Variants in GALNT1 observed in about 807,000 individuals in gnomAD.
GALNT1 encodes the protein GalNAc transferase 1.
Under a neutral mutation model 65.7 loss-of-function variants are expected in GALNT1, and 17 were observed. That is an observed-to-expected ratio of 0.26 (90% CI 0.18 to 0.39). The LOEUF is 0.39. Among genes scored for constraint, GALNT1 ranks in the 10% least tolerant of loss-of-function variants. The probability of loss-of-function intolerance (pLI) is 1.00; values close to 1 mark genes in which losing one functional copy is unlikely to be tolerated. For missense variants in GALNT1, 460 were observed against 672.8 expected, an observed-to-expected ratio of 0.68 and a Z score of 3.50; for synonymous variants, 210 against 219.7, an observed-to-expected ratio of 0.96 and a Z score of 0.39.
At chr18:35,652,051 A>C (rs1032606181) in intron 1 of GALNT1, among the ~76,000 whole-genome samples, 3 of 151,898 alleles carry the variant, frequency 2.0e-5, no homozygotes, top group African/African-American at 7.3e-5. Flanking sequence ...AACATAAACA[A>C]CAAAGTAAAA....
At chr18:35,682,314 G>A (rs1051015020) in intron 4 of GALNT1, among the ~76,000 whole-genome samples, 1 of 152,078 alleles carries the variant, frequency 6.6e-6, no homozygotes, top group African/African-American at 2.4e-5. Context: ...AAATAGGCAA[G>A]AATTGTTTTA....
chr18:35,687,021 C>T lies in GALNT1; in HGVS notation c.695C>T (p.Thr232Ile). 1.2e-6 allele frequency: 2 copies of T among 1,608,964 alleles called. No individual in the cohort carries two copies. Among genetic ancestry groups the T allele is most frequent in the East Asian group, 2.2e-5 (1 of 44,676 alleles). The change falls in exon 6 of 12, where the codon ACA becomes ATA. Residue 232 changes from threonine to isoleucine, a missense_variant. Physicochemically the swap from Thr to Ile is moderately conservative, Grantham distance 89. Transcript: ENST00000269195. Reference sequence around the variant, plus strand: ...ACTTGCTTTTATGACATCAGGAGAACAGTGGTGTGTCCCATCATCGATGTG... The same window carrying T: ...ACTTGCTTTTATGACATCAGGAGAATAGTGGTGTGTCCCATCATCGATGTG... ...LLARIKHDRRTVVCPIIDVIS... is the reference protein window; with the variant it reads ...LLARIKHDRRIVVCPIIDVIS...
intron 3 of GALNT1, among the ~76,000 whole-genome samples, chr18:35,674,668 A>G (rs566790646): frequency 6.6e-5 from 10 of 152,142 alleles, no homozygotes; most frequent in Non-Finnish European, 1.0e-4. Flanking sequence ...TTGCTGTTAA[A>G]CCTGTATGTA....
intron 8 of GALNT1, among the ~76,000 whole-genome samples, chr18:35,691,528 A>G (rs1044599557): frequency 6.6e-6 from 1 of 151,980 alleles, no homozygotes; most frequent in African/African-American, 2.4e-5. Flanking sequence ...TCTAGCTTAT[A>G]TGACTTTTTC....
At chr18:35,598,554 G>A (rs969277970) in intron 1 of GALNT1, among the ~76,000 whole-genome samples, 1 of 152,148 alleles carries the variant, frequency 6.6e-6, no homozygotes, top group Admixed American at 6.5e-5. Context: ...TGTTGAAAAT[G>A]ATAGGATTTC....
rs2047878505 is a variant in GALNT1 at position 35,686,996 on chromosome 18, ACTTG to A, written c.690-16_690-13del. On this transcript the variant is annotated splice_polypyrimidine_tract_variant and intron_variant, in intron 5 of 11. Transcript: ENST00000269195. ...CAGGAATGTTTTGAAAGATTTCTTA[ACTTG>A]CTTTTATGACATCAGGAGAACAGTG... is the stretch of plus-strand genomic sequence containing the variant. The A allele has an allele frequency of 6.3e-7, 1 of 1,592,470 alleles. No homozygotes were observed. The highest frequency in any genetic ancestry group is 8.6e-7 in the Non-Finnish European group (1 of 1,169,250).
intron 1 of GALNT1, among the ~76,000 whole-genome samples, chr18:35,619,689 G>T (rs2046827555): frequency 6.6e-6 from 1 of 152,204 alleles, no homozygotes; most frequent in African/African-American, 2.4e-5. Flanking sequence ...GATGACAACA[G>T]TGTAGTAACT....
intron 5 of GALNT1, 99 bp downstream of exon 5, chr18:35,683,697 AT>A: frequency 1.1e-6 from 1 of 922,022 alleles, no homozygotes; most frequent in South Asian, 2.0e-5. Context: ...TATAAAAGTA[AT>A]TTCCTCCCAA....
At chr18:35,589,980 G>C (rs920211275) in intron 1 of GALNT1, among the ~76,000 whole-genome samples, 1 of 152,294 alleles carries the variant, frequency 6.6e-6, no homozygotes, top group African/African-American at 2.4e-5. Context: ...CATGGACTAG[G>C]TGAGTGCCAG....
intron 2 of GALNT1, among the ~76,000 whole-genome samples, chr18:35,656,009 A>G (rs1196433611): frequency 6.6e-6 from 1 of 152,194 alleles, no homozygotes; most frequent in Non-Finnish European, 1.5e-5. Flanking sequence ...GCTGTTGAGT[A>G]TCTTTGTTGG....
chr18:35,693,629 A>G (rs958858094), intron 9 of GALNT1, among the ~76,000 whole-genome samples: 1 of 152,202 alleles, frequency 6.6e-6, no homozygotes, highest in African/African-American at 2.4e-5. Context: ...TAAAGTTGCC[A>G]TTACTGAGAT....
At chr18:35,663,571 C>A in intron 2 of GALNT1, 57 bp from the exon 3 acceptor site, 2 of 1,510,324 alleles carry the variant, frequency 1.3e-6, no homozygotes, top group South Asian at 1.3e-5. Context: ...TAAATAGAAT[C>A]ATGAATCAAT....
intron 5 of GALNT1, among the ~76,000 whole-genome samples, chr18:35,685,434 T>C (rs1028049609): frequency 1.3e-5 from 2 of 151,716 alleles, no homozygotes; most frequent in African/African-American, 2.4e-5. Context: ...TAGAAAATAC[T>C]TAGCAAACTA....
intron 1 of GALNT1, among the ~76,000 whole-genome samples, chr18:35,647,508 A>G (rs1248206534): frequency 6.6e-6 from 1 of 152,254 alleles, no homozygotes; most frequent in African/African-American, 2.4e-5. Flanking sequence ...TAATAAAATA[A>G]TCTAGGCTCT....
chr18:35,614,775 CAAG>C (rs1333588283), intron 1 of GALNT1, among the ~76,000 whole-genome samples: 1 of 151,970 alleles, frequency 6.6e-6, no homozygotes, highest in Non-Finnish European at 1.5e-5. Context: ...AATTAATCAA[CAAG>C]AAGATCATTA....
intron 1 of GALNT1, among the ~76,000 whole-genome samples, chr18:35,644,961 G>A (rs1176763525): frequency 2.6e-5 from 4 of 151,808 alleles, no homozygotes; most frequent in Non-Finnish European, 4.4e-5. Context: ...ACTGCACTCC[G>A]GCCTGGGTGA....
intron 2 of GALNT1, among the ~76,000 whole-genome samples, chr18:35,655,728 G>C (rs928363741): frequency 3.3e-5 from 5 of 151,726 alleles, no homozygotes; most frequent in Admixed American, 2.0e-4. Flanking sequence ...AAGGGCCTTT[G>C]GTCCCCCAAA....
At chr18:35,667,226 A>G (rs2047562769) in intron 3 of GALNT1, among the ~76,000 whole-genome samples, 1 of 152,170 alleles carries the variant, frequency 6.6e-6, no homozygotes, top group African/African-American at 2.4e-5. Context: ...ATATTATGTT[A>G]TCAAATATGC....
At chr18:35,617,050 C>CA (rs143606987) in intron 1 of GALNT1, among the ~76,000 whole-genome samples, 1 of 152,148 alleles carries the variant, frequency 6.6e-6, no homozygotes, top group African/African-American at 2.4e-5. Flanking sequence ...CCCATTTGAG[C>CA]AGCAGTGACG....
Sources: allele counts gnomAD v4.1 joint callset (sites outside exome capture counted in the v4.1 genomes callset), GRCh38; gene constraint gnomAD v4.1.1; transcripts MANE v1.5; gene names NCBI Gene and HGNC (gene_info 2026-07-23, HGNC 2026-07-21).